The following RAPGEF6 variants were observed in gnomAD, a reference collection of about 807,000 sequenced individuals.
RAPGEF6 encodes the protein PDZ domain containing guanine nucleotide exchange factor (GEF) 2.
RAPGEF6 carries 56 observed loss-of-function variants against 171.4 expected under a neutral mutation model. That is an observed-to-expected ratio of 0.33 (90% CI 0.26 to 0.41). The LOEUF (loss-of-function observed/expected upper bound fraction) is 0.41, where lower values mean the gene tolerates loss of function less well. Ranked by LOEUF, RAPGEF6 falls within the 10% of genes least tolerant of loss-of-function variation. RAPGEF6 has a pLI of 1.00. For synonymous variants in RAPGEF6, 692 were observed against 650.1 expected, an observed-to-expected ratio of 1.06 and a Z score of -0.98; for missense variants, 1,674 against 1,921.4, an observed-to-expected ratio of 0.87 and a Z score of 2.41.
At chr5:131,580,273 C>T (rs778366677) in intron 4 of RAPGEF6, among the ~76,000 whole-genome samples, 22 of 152,178 alleles carry the variant, frequency 1.4e-4, no homozygotes, top group South Asian at 2.1e-4. Context: ...GCTGCCGGCA[C>T]GGGTGTTAAG....
chr5:131,484,500 C>A (rs894180560), intron 15 of RAPGEF6, among the ~76,000 whole-genome samples: 1 of 152,062 alleles, frequency 6.6e-6, no homozygotes, highest in African/African-American at 2.4e-5. Context: ...CAGGCGTGAG[C>A]CACTGTGCCT....
intron 23 of RAPGEF6, among the ~76,000 whole-genome samples, chr5:131,442,013 A>G (rs570185688): frequency 6.6e-6 from 1 of 152,326 alleles, no homozygotes; most frequent in African/African-American, 2.4e-5. Context: ...AAGCAACTTC[A>G]TTTCCACAGT....
At chr5:131,490,507 G>A (rs1156692793) in intron 14 of RAPGEF6, among the ~76,000 whole-genome samples, 3 of 152,080 alleles carry the variant, frequency 2.0e-5, no homozygotes, top group Non-Finnish European at 2.9e-5. Context: ...AAATTTCTTT[G>A]TTCCAAGAAG....
intron 1 of RAPGEF6, among the ~76,000 whole-genome samples, chr5:131,607,685 G>A (rs758585962): frequency 2.0e-5 from 3 of 152,104 alleles, no homozygotes; most frequent in Non-Finnish European, 2.9e-5. Flanking sequence ...GAGGTGACTG[G>A]TACCCTTAGA....
intron 6 of RAPGEF6, among the ~76,000 whole-genome samples, chr5:131,538,165 C>T (rs1227004826): frequency 6.6e-6 from 1 of 152,156 alleles, no homozygotes; most frequent in Non-Finnish European, 1.5e-5. Flanking sequence ...TAGCAACTAT[C>T]TACACTGCAT....
chr5:131,581,567 C>T (rs1277252191), intron 4 of RAPGEF6, among the ~76,000 whole-genome samples: 6 of 152,132 alleles, frequency 3.9e-5, no homozygotes, highest in African/African-American at 9.7e-5. Context: ...CTTAGGTTCC[C>T]GTGCCGCCCC....
intron 17 of RAPGEF6, among the ~76,000 whole-genome samples, chr5:131,465,617 C>T (rs1011411077): frequency 9.2e-5 from 14 of 151,912 alleles, no homozygotes; most frequent in Non-Finnish European, 1.9e-4. Context: ...CCCATCTCTA[C>T]AAAAAATTTT....
rs377293312 is a variant in RAPGEF6, at chr5:131,455,783, T to C, written c.3076+18A>G. 3.6e-5 allele frequency: 58 copies of C among 1,591,746 alleles called. No individual in the cohort carries two copies. The African/African-American group carries it at 6.9e-4, about 19-fold the overall frequency. On this transcript the variant is annotated intron_variant, in intron 20 of 27. Transcript: ENST00000509018. Reference sequence around the variant, plus strand: ...GATAAACCATGTGGTAAAACATCAATAAATAATGTTTTCATACCTTCATGT... The same window carrying C: ...GATAAACCATGTGGTAAAACATCAACAAATAATGTTTTCATACCTTCATGT...
chr5:131,551,028 C>CTTG (rs1760889469), intron 5 of RAPGEF6, among the ~76,000 whole-genome samples: 1 of 152,134 alleles, frequency 6.6e-6, no homozygotes, highest in Non-Finnish European at 1.5e-5. Flanking sequence ...AGACATTTGC[C>CTTG]AAAATAGGTG....
At chr5:131,598,279 C>G (rs575784330) in intron 3 of RAPGEF6, among the ~76,000 whole-genome samples, 42 of 151,822 alleles carry the variant, frequency 2.8e-4, no homozygotes, top group African/African-American at 1.0e-3. Context: ...AAATGGGAGA[C>G]TGAAACACAG....
intron 8 of RAPGEF6, 45 bp downstream of exon 8, chr5:131,510,269 T>C: frequency 2.0e-6 from 3 of 1,522,034 alleles, no homozygotes; most frequent in Non-Finnish European, 1.8e-6. Flanking sequence ...GGTAACCATA[T>C]AAATTAAGTT....
chr5:131,426,228 G>A lies in RAPGEF6; in HGVS notation c.*1038C>T, dbSNP rs1028465448. The A allele has an allele frequency of 6.6e-6, 1 of 152,316 alleles. No homozygotes were observed. The highest frequency in any genetic ancestry group is 1.5e-5 in the Non-Finnish European group (1 of 68,040). 9.4% of individuals were successfully genotyped at this position (152,316 alleles called of 1,614,324 possible). A position where few individuals can be genotyped will look rare whatever the true frequency, so the allele number is the denominator to read the frequency against. ...CAGACACAACCTGGTGCTATGAGAT[G>A]TGGGGGAGGCATGCTGCAGAACACT... On this transcript the variant is annotated 3_prime_UTR_variant, in exon 28 of 28. Transcript: ENST00000509018.
At chr5:131,541,347 G>T (rs746146109) in intron 6 of RAPGEF6, among the ~76,000 whole-genome samples, 31 of 152,126 alleles carry the variant, frequency 2.0e-4, no homozygotes, top group Non-Finnish European at 3.5e-4. Flanking sequence ...TCAAAGGGTA[G>T]AACTATATTA....
rs183292614 is a variant in RAPGEF6 at position 131,500,132 on chromosome 5, C to T, written c.1255-1525G>A. Among the ~76,000 whole-genome samples the T allele has an allele frequency of 3.5e-4, 53 of 152,294 alleles. No individual in the cohort carries two copies. In the East Asian group the frequency reaches 6.2e-3, roughly 18 times the overall value. On this transcript the variant is annotated intron_variant, in intron 11 of 27. Coordinates refer to ENST00000509018, the MANE Select transcript of RAPGEF6 (RefSeq NM_016340.6). ...CAGGCTGGTCTCGAACTCTTGACCT[C>T]GTGATCCATCCTCCATGGCCTCCCA...
Position 131,464,264 on chromosome 5 carries a change from T to G in RAPGEF6, c.2257A>C (p.Ile753Leu). The G allele has an allele frequency of 6.2e-7, 1 of 1,611,322 alleles. No homozygotes were observed. The highest frequency in any genetic ancestry group is 8.5e-7 in the Non-Finnish European group (1 of 1,177,752). Residue 753 changes from isoleucine to leucine, a missense_variant, in exon 18 of 28, where the codon ATA becomes CTA. This residue lies in a region of RAPGEF6 where 1,116 missense variants were observed against 1,321.5 expected (regional missense o/e 0.84). Coordinates refer to ENST00000509018, the MANE Select transcript of RAPGEF6 (RefSeq NM_016340.6). Reference sequence around the variant, plus strand: ...TGCTGATCCACTTTGAAAACTCTTATAACTTGATCAGGGATATCTACATAA... The same window carrying G: ...TGCTGATCCACTTTGAAAACTCTTAGAACTTGATCAGGGATATCTACATAA... ...SNPSDIPDQV[I>L]RVFKVDQQSC...
At chr5:131,571,047 C>G (rs948006704) in intron 4 of RAPGEF6, among the ~76,000 whole-genome samples, 2 of 151,010 alleles carry the variant, frequency 1.3e-5, no homozygotes, top group Non-Finnish European at 2.9e-5. Flanking sequence ...CAGGTTCAAG[C>G]AATTCTCGTG....
intron 4 of RAPGEF6, among the ~76,000 whole-genome samples, chr5:131,564,748 CTA>C (rs1443933158): frequency 6.6e-6 from 1 of 152,112 alleles, no homozygotes; most frequent in Non-Finnish European, 1.5e-5. Context: ...ATAGCTATTG[CTA>C]TGTGTGTTTT....
chr5:131,435,868 C>A, intron 24 of RAPGEF6: 1 of 1,442,296 alleles, frequency 6.9e-7, no homozygotes. Context: ...TCTGCCTAAG[C>A]TTTGACAAAT....
chr5:131,548,349 A>C (rs1414856157), intron 5 of RAPGEF6, among the ~76,000 whole-genome samples, 159 bp from the exon 6 acceptor site: 1 of 152,226 alleles, frequency 6.6e-6, no homozygotes, highest in Admixed American at 6.5e-5. Flanking sequence ...TGAGTTAAAG[A>C]TTAGAGGTGA....
Sources: gnomAD v4.1 joint callset for allele counts (sites outside exome capture counted in the v4.1 genomes callset) on GRCh38, gnomAD v4.1.1 for gene constraint, gnomAD v4.1.1 regional missense constraint, MANE v1.5 for transcripts, NCBI Gene and HGNC (gene_info 2026-07-23, HGNC 2026-07-21) for gene names.